The following RORA variants were observed in gnomAD, a reference collection of about 807,000 sequenced individuals.
RORA encodes the protein nuclear receptor ROR-alpha.
RORA carries 7 observed loss-of-function variants against 69.5 expected under a neutral mutation model. That is an observed-to-expected ratio of 0.10 (90% CI 0.06 to 0.19). RORA has a LOEUF of 0.19. Among genes scored for constraint, RORA ranks in the 10% least tolerant of loss-of-function variants. The probability of loss-of-function intolerance (pLI) is 1.00; values close to 1 mark genes in which losing one functional copy is unlikely to be tolerated. For missense variants in RORA, 457 were observed against 663.0 expected, an observed-to-expected ratio of 0.69 and a Z score of 3.41; for synonymous variants, 261 against 240.8, an observed-to-expected ratio of 1.08 and a Z score of -0.78.
chr15:60,520,783 A>G (rs1210892402), intron 3 of RORA, among the ~76,000 whole-genome samples: 1 of 152,184 alleles, frequency 6.6e-6, no homozygotes, highest in Non-Finnish European at 1.5e-5. Context: ...TAATTTGGCA[A>G]TTTTGTTATT....
chr15:60,679,161 A>G (rs1269894607), intron 1 of RORA, among the ~76,000 whole-genome samples: 1 of 152,158 alleles, frequency 6.6e-6, no homozygotes. Context: ...ATGAAGCACA[A>G]CTTTTAATGG....
intron 1 of RORA, among the ~76,000 whole-genome samples, chr15:61,018,487 G>C (rs1440444643): frequency 3.3e-5 from 5 of 152,204 alleles, no homozygotes; most frequent in Non-Finnish European, 5.9e-5. Context: ...GTGAGGGCGT[G>C]TGGGAGCGTA....
chr15:60,831,092 C>G (rs2073036311), intron 1 of RORA, among the ~76,000 whole-genome samples: 1 of 152,194 alleles, frequency 6.6e-6, no homozygotes, highest in Non-Finnish European at 1.5e-5. Context: ...AGGGCCTTTA[C>G]AGTTTGGGGA....
chr15:60,913,856 T>G (rs966791036), intron 1 of RORA, among the ~76,000 whole-genome samples: 3 of 152,172 alleles, frequency 2.0e-5, no homozygotes, highest in Non-Finnish European at 4.4e-5. Flanking sequence ...CTTTTGAAAA[T>G]TATCTTTCCT....
intron 2 of RORA, among the ~76,000 whole-genome samples, chr15:60,629,135 C>A (rs1178766811): frequency 6.7e-6 from 1 of 150,320 alleles, no homozygotes; most frequent in Non-Finnish European, 1.5e-5. Context: ...TCACAGCACT[C>A]CGATTGTTTT....
chr15:61,159,383 A>AT (rs942424480), intron 1 of RORA, among the ~76,000 whole-genome samples: 10 of 151,982 alleles, frequency 6.6e-5, no homozygotes, highest in African/African-American at 2.2e-4. Flanking sequence ...TGTACTTCCA[A>AT]TTTTTTTTAC....
chr15:60,539,768 A>G (rs1047533043), intron 2 of RORA, among the ~76,000 whole-genome samples: 2 of 152,136 alleles, frequency 1.3e-5, no homozygotes, highest in Non-Finnish European at 2.9e-5. Context: ...TTTGTAAACA[A>G]CAGAACGTAT....
intron 1 of RORA, among the ~76,000 whole-genome samples, chr15:60,985,429 T>A (rs1197447654): frequency 6.6e-6 from 1 of 152,110 alleles, no homozygotes; most frequent in East Asian, 1.9e-4. Flanking sequence ...CTGAGAGCAA[T>A]CAGTATATCT....
chr15:60,882,691 G>C (rs957663020), intron 1 of RORA, among the ~76,000 whole-genome samples: 4 of 151,340 alleles, frequency 2.6e-5, no homozygotes, highest in Admixed American at 6.6e-5. Flanking sequence ...ACACGGTCTA[G>C]AAGGATACAC....
intron 2 of RORA, among the ~76,000 whole-genome samples, chr15:60,548,574 C>T (rs2067139504): frequency 6.6e-6 from 1 of 152,170 alleles, no homozygotes; most frequent in South Asian, 2.1e-4. Context: ...AATGATGAAA[C>T]CCTCAAGTGC....
At chr15:61,161,147 G>T (rs2079492022) in intron 1 of RORA, among the ~76,000 whole-genome samples, 1 of 152,154 alleles carries the variant, frequency 6.6e-6, no homozygotes, top group Non-Finnish European at 1.5e-5. Context: ...AGCAATGGGA[G>T]GAGAGATGAT....
At chr15:60,610,940 G>C (rs906360674) in intron 2 of RORA, among the ~76,000 whole-genome samples, 3 of 152,194 alleles carry the variant, frequency 2.0e-5, no homozygotes, top group Non-Finnish European at 4.4e-5. Flanking sequence ...TCAGGACTGA[G>C]AGTGTTTTGG....
At chr15:60,714,369 A>G (rs902853228) in intron 1 of RORA, among the ~76,000 whole-genome samples, 1 of 135,224 alleles carries the variant, frequency 7.4e-6, no homozygotes, top group African/African-American at 2.8e-5. Context: ...AATTCTTTTT[A>G]TTTATTTATT....
intron 1 of RORA, among the ~76,000 whole-genome samples, chr15:60,725,926 C>T (rs902037203): frequency 1.3e-5 from 2 of 152,108 alleles, no homozygotes; most frequent in Non-Finnish European, 2.9e-5. Context: ...ATTCTGGTCA[C>T]AAGGTAAAGG....
At chr15:60,668,452 A>G (rs529595612) in intron 2 of RORA, among the ~76,000 whole-genome samples, 71 of 152,314 alleles carry the variant, frequency 4.7e-4, no homozygotes, top group African/African-American at 1.6e-3. Context: ...TTAATAAGCA[A>G]TCTTAACAAA....
At chr15:61,054,218 T>C (rs977485066) in intron 1 of RORA, among the ~76,000 whole-genome samples, 3 of 151,982 alleles carry the variant, frequency 2.0e-5, no homozygotes, top group African/African-American at 7.3e-5. Flanking sequence ...TTTACATGTA[T>C]GTAGTTTTTC....
At chr15:61,119,751 C>G (rs902118287) in intron 1 of RORA, among the ~76,000 whole-genome samples, 4 of 152,176 alleles carry the variant, frequency 2.6e-5, no homozygotes, top group Non-Finnish European at 5.9e-5. Context: ...AGCAGGACAG[C>G]TGGAGTATAC....
intron 1 of RORA, among the ~76,000 whole-genome samples, chr15:61,175,367 A>C (rs1310328436): frequency 6.6e-6 from 1 of 151,732 alleles, no homozygotes; most frequent in Non-Finnish European, 1.5e-5. Context: ...TTTACAAAAC[A>C]CAAGGGCCAA....
chr15:60,888,770 GCTGT>G (rs2073779484), intron 1 of RORA, among the ~76,000 whole-genome samples: 1 of 152,122 alleles, frequency 6.6e-6, no homozygotes, highest in African/African-American at 2.4e-5. Context: ...ACAGAGAAAA[GCTGT>G]CTGTGCTCCG....
Sources: allele counts gnomAD v4.1 joint callset (sites outside exome capture counted in the v4.1 genomes callset), GRCh38; gene constraint gnomAD v4.1.1; transcripts MANE v1.5; gene names NCBI Gene and HGNC (gene_info 2026-07-23, HGNC 2026-07-21).